Variants in SLFN12L observed in about 807,000 individuals in gnomAD.
The protein encoded by SLFN12L is schlafen family member 12-like.
A neutral mutation model predicts 34.8 loss-of-function variants in SLFN12L; 34 were observed. That is an observed-to-expected ratio of 0.98 (90% CI 0.74 to 1.30). The LOEUF is 1.30. Among genes scored for constraint, SLFN12L ranks in the 50% most tolerant of loss-of-function variants. SLFN12L has a pLI of 0.00. For missense variants in SLFN12L, 703 were observed against 696.2 expected (o/e 1.01, Z -0.11); for synonymous variants, 259 against 247.5 (o/e 1.05, Z -0.44).
At chr17:35,494,774 G>C (rs913934501) in intron 2 of SLFN12L, among the ~76,000 whole-genome samples, 6 of 152,162 alleles carry the variant, frequency 3.9e-5, no homozygotes, top group Non-Finnish European at 8.8e-5. Context: ...GGCCAGGACT[G>C]GGGTGAGGAG....
intron 1 of SLFN12L, among the ~76,000 whole-genome samples, chr17:35,524,475 T>G (rs538687288): frequency 4.6e-5 from 7 of 152,306 alleles, no homozygotes; most frequent in African/African-American, 1.7e-4. Context: ...ACAAGAGAGC[T>G]CTGGCTGGCA....
At chr17:35,518,118 T>G (rs925461203) in intron 2 of SLFN12L, among the ~76,000 whole-genome samples, 5 of 152,176 alleles carry the variant, frequency 3.3e-5, no homozygotes, top group Non-Finnish European at 5.9e-5. Flanking sequence ...ACCTACAGAA[T>G]GGGAGAAAAT....
intron 2 of SLFN12L, chr17:35,487,766 G>A (rs1914652108): frequency 2.0e-6 from 3 of 1,535,882 alleles, no homozygotes; most frequent in African/African-American, 1.4e-5. Flanking sequence ...CCAAGTAGGG[G>A]GACCTGAGTT....
chr17:35,488,952 C>A (rs1027905217), intron 2 of SLFN12L, among the ~76,000 whole-genome samples: 1 of 151,914 alleles, frequency 6.6e-6, no homozygotes, highest in Non-Finnish European at 1.5e-5. Context: ...CGCCTGTAAT[C>A]CCAGCTACTC....
At chr17:35,525,768 A>G (rs2072328445) in intron 1 of SLFN12L, among the ~76,000 whole-genome samples, 1 of 152,244 alleles carries the variant, frequency 6.6e-6, no homozygotes, top group Admixed American at 6.5e-5. Context: ...ACCAAATTGT[A>G]AAGACCATCG....
At chr17:35,495,048 C>G (rs926017521) in intron 2 of SLFN12L, among the ~76,000 whole-genome samples, 2 of 151,838 alleles carry the variant, frequency 1.3e-5, no homozygotes, top group Non-Finnish European at 2.9e-5. Context: ...ACAGGGGCGC[C>G]CCACCACACT....
At chr17:35,532,168 G>T (rs982849878) in intron 1 of SLFN12L, among the ~76,000 whole-genome samples, 1 of 152,146 alleles carries the variant, frequency 6.6e-6, no homozygotes, top group African/African-American at 2.4e-5. Flanking sequence ...GGCACAGGCC[G>T]CGCACAGTGG....
intron 2 of SLFN12L, among the ~76,000 whole-genome samples, chr17:35,507,248 A>G (rs570399716): frequency 5.9e-4 from 90 of 152,330 alleles, no homozygotes; most frequent in Non-Finnish European, 9.7e-4. Context: ...GGAAATTGGA[A>G]AGATGATGAA....
intron 1 of SLFN12L, among the ~76,000 whole-genome samples, chr17:35,528,690 A>T (rs1395432176): frequency 1.3e-5 from 2 of 152,226 alleles, no homozygotes; most frequent in Non-Finnish European, 2.9e-5. Flanking sequence ...ACAAAAATTA[A>T]CTCAAGATGG....
At position 35,522,517 on chromosome 17, in the gene SLFN12L, T is replaced by G. The variant is rs1916028883; in HGVS notation, c.-153A>C. The G allele has an allele frequency of 1.9e-6, 3 of 1,612,752 alleles. No homozygotes were observed. The highest frequency in any genetic ancestry group is 2.5e-6 in the Non-Finnish European group (3 of 1,179,280). ...CTGCACAGGTCACTCAAGAGAGACCTGAAGCCGAGCAAGACAATCACGAGG... is the reference window on the plus strand; with the variant it reads ...CTGCACAGGTCACTCAAGAGAGACCGGAAGCCGAGCAAGACAATCACGAGG... On this transcript the variant is annotated 5_prime_UTR_variant, in exon 2 of 5. Transcript: ENST00000628453.
In SLFN12L at chr17:35,471,871, A is replaced by G. The variant is rs1157398980; in HGVS notation, c.*3052T>C. Among the ~76,000 whole-genome samples the G allele has an allele frequency of 6.6e-6, 1 of 152,054 alleles. No individual in the cohort carries two copies. The highest frequency in any genetic ancestry group is 1.5e-5 in the Non-Finnish European group (1 of 68,024). On this transcript the variant is annotated 3_prime_UTR_variant, in exon 5 of 5. Coordinates refer to ENST00000628453, the MANE Select transcript of SLFN12L (RefSeq NM_001363830.2). ...GCTGTATAAATGTCTTCTTTTGAGA[A>G]ATGTCTATTCATATCCTTTATCCAC...
intron 2 of SLFN12L, chr17:35,490,991 A>G (rs1471418241): frequency 3.8e-6 from 3 of 787,644 alleles, no homozygotes; most frequent in Admixed American, 3.4e-5. Context: ...CTCAATTTCT[A>G]TGGGAAACCT....
chr17:35,487,475 C>A (rs575368714), intron 2 of SLFN12L, among the ~76,000 whole-genome samples: 1 of 152,268 alleles, frequency 6.6e-6, no homozygotes, highest in South Asian at 2.1e-4. Flanking sequence ...CGGACCACCC[C>A]CCCCGGACCC....
In SLFN12L at chr17:35,465,535, A is replaced by C. The variant is rs905905047; in HGVS notation, c.*9388T>G. ...CCCATTAAAATAGTTAATATGGTTC[A>C]ATGTAAGTTAAAATAGGCCCTTGAA... On this transcript the variant is annotated 3_prime_UTR_variant, in exon 5 of 5. Coordinates refer to ENST00000628453, the MANE Select transcript of SLFN12L (RefSeq NM_001363830.2). Among the ~76,000 whole-genome samples the C allele has an allele frequency of 2.6e-5, 4 of 152,012 alleles. No individual in the cohort carries two copies. Among genetic ancestry groups the C allele is most frequent in the African/African-American group, 9.7e-5 (4 of 41,366 alleles).
At position 35,474,170 on chromosome 17, in the gene SLFN12L, C is replaced by T. The variant is rs1359634033; in HGVS notation, c.*753G>A. 4 of 152,210 alleles carry T rather than the reference C, an allele frequency of 2.6e-5. No homozygotes were observed. The highest frequency in any genetic ancestry group is 7.2e-5 in the African/African-American group (3 of 41,448). The allele number at this position is 152,210 out of a possible 1,614,324, so 9.4% of individuals were successfully genotyped here. On this transcript the variant is annotated 3_prime_UTR_variant, in exon 5 of 5. Coordinates refer to ENST00000628453, the MANE Select transcript of SLFN12L (RefSeq NM_001363830.2). Reference sequence around the variant, plus strand: ...CTGACCTCAAGTGATCCATCCAACTCGGCAAGTTCTCCATTTTGATTCATC... The same window carrying T: ...CTGACCTCAAGTGATCCATCCAACTTGGCAAGTTCTCCATTTTGATTCATC...
At chr17:35,526,003 G>A (rs1404887570) in intron 1 of SLFN12L, among the ~76,000 whole-genome samples, 3 of 152,184 alleles carry the variant, frequency 2.0e-5, no homozygotes, top group Admixed American at 1.3e-4. Context: ...AAAATAAAGG[G>A]ATGGAGGAAT....
At chr17:35,528,805 A>G (rs972314909) in intron 1 of SLFN12L, among the ~76,000 whole-genome samples, 3 of 152,216 alleles carry the variant, frequency 2.0e-5, no homozygotes, top group Non-Finnish European at 4.4e-5. Context: ...TGACTAAAAC[A>G]CCAAAAGCAA....
At chr17:35,482,617 A>T (rs1914390574) in intron 2 of SLFN12L, among the ~76,000 whole-genome samples, 2 of 152,114 alleles carry the variant, frequency 1.3e-5, no homozygotes, top group East Asian at 1.9e-4. Flanking sequence ...GCCTGAGAAG[A>T]TCCCCCTGCC....
At position 35,522,665 on chromosome 17, in the gene SLFN12L, TG is replaced by T; in HGVS notation, c.-302del. 2 of 1,614,080 alleles carry T rather than the reference TG, an allele frequency of 1.2e-6. No individual in the cohort carries two copies. Among genetic ancestry groups the T allele is most frequent in the Middle Eastern group, 1.6e-4 (1 of 6,062 alleles). ...CTCTCAGGACTCAGGCAGAGGACCT[TG>T]GCCCTGACACACACCTCCCCAGTGT... On this transcript the variant is annotated 5_prime_UTR_variant, in exon 2 of 5. An upstream open reading frame in the 5' UTR gains an earlier in-frame stop. Transcript: ENST00000628453.
Sources: allele counts gnomAD v4.1 joint callset (sites outside exome capture counted in the v4.1 genomes callset), GRCh38; gene constraint gnomAD v4.1.1; transcripts MANE v1.5; gene names NCBI Gene and HGNC (gene_info 2026-07-23, HGNC 2026-07-21).